NEDD4: variants seen among roughly 807,000 people sequenced by gnomAD.
NEDD4 encodes NEDD4 E3 ubiquitin protein ligase, also known as E3 ubiquitin-protein ligase NEDD4.
Under a neutral mutation model 144.9 loss-of-function variants are expected in NEDD4, and 99 were observed. The ratio of observed to expected loss-of-function variants is 0.68; its 90% CI spans 0.58 to 0.81. The LOEUF is 0.81. Among genes scored for constraint, NEDD4 ranks in the 30% least tolerant of loss-of-function variants. The pLI, the probability that NEDD4 is intolerant of heterozygous loss-of-function variation, is 0.00. For synonymous variants in NEDD4, 318 were observed against 350.6 expected (o/e 0.91, Z 1.04); for missense variants, 985 against 1,065.9 (o/e 0.92, Z 1.06).
chr15:55,952,222 T>G (rs2037254248), intron 2 of NEDD4, among the ~76,000 whole-genome samples: 1 of 150,594 alleles, frequency 6.6e-6, no homozygotes, highest in African/African-American at 2.4e-5. Flanking sequence ...TAGTCACAAC[T>G]ACTCGGGAGG....
Position 55,834,120 on chromosome 15 carries a change from A to T in NEDD4, c.2348T>A (p.Val783Asp). The part of the protein sequence containing the change: ...LELLMCGLGD[V>D]DVNDWREHTK... ...ATGTTCCCTCCAGTCATTCACATCA[A>T]CATCTCCCAGTCCACACATAAGAAG... Residue 783 changes from valine (V) to aspartate (D), a missense_variant, in exon 26 of 29, where the codon GTT (valine) becomes GAT (aspartate). Transcript: ENST00000435532. 6.2e-7 allele frequency: 1 copy of T among 1,613,688 alleles called. No homozygotes were observed. The highest frequency in any genetic ancestry group is 1.3e-5 in the African/African-American group (1 of 75,034).
chr15:55,930,427 C>G (rs1359421028), intron 4 of NEDD4, among the ~76,000 whole-genome samples: 5 of 152,132 alleles, frequency 3.3e-5, no homozygotes, highest in African/African-American at 1.2e-4. Flanking sequence ...TTTTCTGAGT[C>G]TGTGGTTCAC....
chr15:55,934,650 C>T (rs1218239059), intron 4 of NEDD4: 7 of 151,604 alleles, frequency 4.6e-5, no homozygotes, highest in Non-Finnish European at 7.4e-5. Flanking sequence ...AAAACCCAAA[C>T]AGTAAAAAAG....
At chr15:55,980,098 A>T (rs2037773919) in intron 1 of NEDD4, among the ~76,000 whole-genome samples, 1 of 151,960 alleles carries the variant, frequency 6.6e-6, no homozygotes, top group South Asian at 2.1e-4. Flanking sequence ...GCGTGCCACT[A>T]TGCCCAGCTA....
intron 18 of NEDD4, among the ~76,000 whole-genome samples, chr15:55,843,152 C>A (rs1474169184): frequency 6.6e-6 from 1 of 152,196 alleles, no homozygotes; most frequent in African/African-American, 2.4e-5. Context: ...GATTGTGAGG[C>A]CTCCCTAGCC....
intron 5 of NEDD4, among the ~76,000 whole-genome samples, chr15:55,924,028 T>G (rs931960235): frequency 6.6e-6 from 1 of 152,132 alleles, no homozygotes; most frequent in Non-Finnish European, 1.5e-5. Flanking sequence ...GAGACAAAAT[T>G]AGGAAAAGGA....
intron 1 of NEDD4, among the ~76,000 whole-genome samples, chr15:55,982,550 C>A (rs71476761): frequency 0.013 from 1,932 of 152,146 alleles, 17 homozygotes; most frequent in Non-Finnish European, 0.016. Flanking sequence ...AAAAGTAATC[C>A]ATGGTGACAA....
In NEDD4 at chr15:55,852,497, T is replaced by A. The variant is rs1298912484; in HGVS notation, c.1073A>T (p.Gln358Leu). The A allele has an allele frequency of 1.2e-6, 2 of 1,613,286 alleles. No homozygotes were observed. The highest frequency in any genetic ancestry group is 2.2e-5 in the East Asian group (1 of 44,818). The change falls in exon 13 of 29, where the codon CAA becomes CTA. Residue 358 changes from glutamine (Q) to leucine (L), a missense_variant. By Grantham distance (113) the Gln-to-Leu change is moderately radical (BLOSUM62 -2). Coordinates refer to ENST00000435532, the MANE Select transcript of NEDD4 (RefSeq NM_006154.4). Reference protein sequence around the residue: ...SGLPPGWEEKQDERGRSYYVD... With the variant: ...SGLPPGWEEKLDERGRSYYVD... ...ATAATATGATCTTCCTCTTTCATCT[T>A]GTTTTTCTTCCCAACCTGGTGGTAA... is the stretch of plus-strand genomic sequence containing the variant.
intron 5 of NEDD4, among the ~76,000 whole-genome samples, chr15:55,906,460 T>G (rs1488792919): frequency 1.2e-4 from 18 of 152,242 alleles, no homozygotes; most frequent in Non-Finnish European, 1.6e-4. Flanking sequence ...CCATAAAAAA[T>G]GATGAGTTCA....
intron 5 of NEDD4, chr15:55,915,309 G>A: frequency 1.2e-6 from 2 of 1,600,390 alleles, no homozygotes; most frequent in Non-Finnish European, 1.7e-6. Context: ...CAGTTCATTT[G>A]TGCAATCTCT....
chr15:55,901,781 G>A (rs1034612339), intron 5 of NEDD4, among the ~76,000 whole-genome samples: 2 of 152,030 alleles, frequency 1.3e-5, no homozygotes, highest in African/African-American at 2.4e-5. Context: ...GCACTTTACA[G>A]TTTACAGTGC....
At chr15:55,913,160 G>A (rs1424273093) in intron 5 of NEDD4, among the ~76,000 whole-genome samples, 7 of 152,086 alleles carry the variant, frequency 4.6e-5, no homozygotes, top group African/African-American at 1.7e-4. Context: ...CGGCTGCTCA[G>A]TACAGATAGC....
intron 4 of NEDD4, among the ~76,000 whole-genome samples, chr15:55,938,858 C>T (rs1316711905): frequency 6.6e-6 from 1 of 151,986 alleles, no homozygotes; most frequent in Non-Finnish European, 1.5e-5. Context: ...GTGATCTCAG[C>T]ACTTTGGGAG....
chr15:55,928,520 T>C (rs1366695709), intron 4 of NEDD4, among the ~76,000 whole-genome samples: 3 of 152,214 alleles, frequency 2.0e-5, no homozygotes, highest in African/African-American at 7.2e-5. Context: ...CAACCAAATA[T>C]GCATCTACCC....
intron 5 of NEDD4, among the ~76,000 whole-genome samples, chr15:55,901,506 C>T (rs2035914114): frequency 6.6e-6 from 1 of 152,104 alleles, no homozygotes; most frequent in Non-Finnish European, 1.5e-5. Flanking sequence ...AATCAAAATT[C>T]GTGAGTATAA....
chr15:55,947,686 A>G (rs2037147544), intron 4 of NEDD4, among the ~76,000 whole-genome samples: 1 of 152,228 alleles, frequency 6.6e-6, no homozygotes, highest in African/African-American at 2.4e-5. Flanking sequence ...TATAAACAGA[A>G]CCAAAGACAA....
At chr15:55,833,999 A>T in intron 26 of NEDD4, 39 bp downstream of exon 26, 1 of 1,419,650 alleles carries the variant, frequency 7.0e-7, no homozygotes, top group Non-Finnish European at 9.9e-7. Flanking sequence ...GATTCAATCT[A>T]TCAAAAAGTA....
At chr15:55,841,737 A>C (rs2033514518) in intron 19 of NEDD4, among the ~76,000 whole-genome samples, 197 bp downstream of exon 19, 1 of 152,030 alleles carries the variant, frequency 6.6e-6, no homozygotes, top group South Asian at 2.1e-4. Context: ...ACGCCTGGGT[A>C]AGTTTTTGTA....
chr15:55,927,077 C>CAAAAAAAAAAAAAAAAAAAAAA (rs57940091), intron 4 of NEDD4, among the ~76,000 whole-genome samples: 17 of 70,622 alleles, frequency 2.4e-4, no homozygotes, highest in Non-Finnish European at 2.7e-4. Context: ...GACTACGTCT[C>CAAAAAAAAAAAAAAAAAAAAAA]AAAAAAAAAA....
Sources: allele counts gnomAD v4.1 joint callset (sites outside exome capture counted in the v4.1 genomes callset), GRCh38; gene constraint gnomAD v4.1.1; transcripts MANE v1.5; gene names NCBI Gene and HGNC (gene_info 2026-07-23, HGNC 2026-07-21).